ARMH3: variants seen among roughly 807,000 people sequenced by gnomAD.
ARMH3 encodes armadillo-like helical domain-containing protein 3.
ARMH3 carries 60 observed loss-of-function variants against 99.1 expected under a neutral mutation model. The ratio of observed to expected loss-of-function variants is 0.61; its 90% CI spans 0.49 to 0.75. ARMH3 has a LOEUF of 0.75. Ranked by LOEUF, ARMH3 falls within the 30% of genes least tolerant of loss-of-function variation. The pLI, the probability that ARMH3 is intolerant of heterozygous loss-of-function variation, is 0.00. For missense variants in ARMH3, 679 were observed against 843.1 expected, an observed-to-expected ratio of 0.81 and a Z score of 2.41; for synonymous variants, 285 against 292.8, an observed-to-expected ratio of 0.97 and a Z score of 0.27.
At chr10:102,006,247 G>A (rs1380815815) in intron 14 of ARMH3, among the ~76,000 whole-genome samples, 1 of 152,240 alleles carries the variant, frequency 6.6e-6, no homozygotes, top group East Asian at 1.9e-4. Flanking sequence ...GACTCTGAGA[G>A]TGTGGCAGGA....
intron 15 of ARMH3, among the ~76,000 whole-genome samples, chr10:102,000,492 C>T (rs2066329020): frequency 6.6e-6 from 1 of 151,706 alleles, no homozygotes; most frequent in Non-Finnish European, 1.5e-5. Flanking sequence ...GGTGCGGTGG[C>T]TCACACCTGT....
chr10:101,949,402 G>A (rs1465108709), intron 22 of ARMH3, among the ~76,000 whole-genome samples: 1 of 151,132 alleles, frequency 6.6e-6, no homozygotes, highest in South Asian at 2.1e-4. Context: ...ATGAAAGAGG[G>A]AAGCTAAGTA....
intron 25 of ARMH3, among the ~76,000 whole-genome samples, chr10:101,849,103 G>A (rs935446): frequency 0.2 from 30,685 of 152,148 alleles, 3,432 homozygotes; most frequent in East Asian, 0.48. Flanking sequence ...GACAGGGGAA[G>A]TGGGTACAGA....
intron 1 of ARMH3, among the ~76,000 whole-genome samples, chr10:102,048,685 A>G (rs932525507): frequency 3.3e-5 from 5 of 152,108 alleles, no homozygotes; most frequent in Non-Finnish European, 7.4e-5. Flanking sequence ...TCAGCCTCCC[A>G]AAGTGCTGAG....
At chr10:101,910,868 G>A (rs767367279) in intron 23 of ARMH3, among the ~76,000 whole-genome samples, 8 of 148,842 alleles carry the variant, frequency 5.4e-5, no homozygotes, top group South Asian at 4.3e-4. Context: ...GGCTGGGCGC[G>A]GTGACTCATG....
chr10:101,980,173 A>G (rs1248072990), intron 19 of ARMH3, among the ~76,000 whole-genome samples: 1 of 152,220 alleles, frequency 6.6e-6, no homozygotes, highest in Non-Finnish European at 1.5e-5. Flanking sequence ...TTGACTGTAT[A>G]CCAACTGAAT....
At chr10:101,962,904 T>G (rs910952413) in intron 20 of ARMH3, among the ~76,000 whole-genome samples, 1 of 152,084 alleles carries the variant, frequency 6.6e-6, no homozygotes, top group Non-Finnish European at 1.5e-5. Flanking sequence ...TTCCACTGAT[T>G]AGCCCCTCAC....
chr10:101,904,119 G>A (rs1361636158), intron 23 of ARMH3, among the ~76,000 whole-genome samples: 2 of 152,200 alleles, frequency 1.3e-5, no homozygotes, highest in South Asian at 2.1e-4. Context: ...CCACACTGAC[G>A]ACACTAAATG....
At chr10:101,866,551 G>A (rs1005730561) in intron 24 of ARMH3, among the ~76,000 whole-genome samples, 1 of 151,960 alleles carries the variant, frequency 6.6e-6, no homozygotes, top group Non-Finnish European at 1.5e-5. Context: ...TACGCCAGCA[G>A]GCATGAAAAT....
rs769392626 is a variant in ARMH3 at position 102,023,515 on chromosome 10, C to T, written c.631G>A (p.Val211Ile). Residue 211 changes from valine to isoleucine, a missense_variant, in exon 8 of 26, where the codon GTC (valine) becomes ATC (isoleucine). Val to Ile is a conservative substitution (Grantham distance 29). Coordinates refer to ENST00000370033, the MANE Select transcript of ARMH3 (RefSeq NM_024541.3). ...SRREHGYDAVVLLALLVNYRK... is the reference protein window; with the variant it reads ...SRREHGYDAVILLALLVNYRK... Reference sequence around the variant, plus strand: ...TAGTTCACCAGCAAAGCCAAGAGGACGACAGCATCATACCCATGCTCCCTA... The same window carrying T: ...TAGTTCACCAGCAAAGCCAAGAGGATGACAGCATCATACCCATGCTCCCTA... 20 of 1,614,070 alleles carry T rather than the reference C, an allele frequency of 1.2e-5. No individual in the cohort carries two copies. The highest frequency in any genetic ancestry group is 1.7e-5 in the Admixed American group (1 of 59,992).
At chr10:101,899,063 A>T (rs2067912114) in intron 23 of ARMH3, among the ~76,000 whole-genome samples, 1 of 152,228 alleles carries the variant, frequency 6.6e-6, no homozygotes, top group African/African-American at 2.4e-5. Context: ...ATTTGAAAAA[A>T]TCTGGATTCC....
intron 24 of ARMH3, among the ~76,000 whole-genome samples, chr10:101,878,863 C>A (rs879430469): frequency 2.6e-5 from 4 of 152,000 alleles, no homozygotes; most frequent in African/African-American, 4.8e-5. Context: ...GTCATCACGT[C>A]CCTTTAGTGT....
At chr10:101,876,554 T>G (rs946389795) in intron 24 of ARMH3, among the ~76,000 whole-genome samples, 4 of 152,222 alleles carry the variant, frequency 2.6e-5, no homozygotes, top group Non-Finnish European at 5.9e-5. Context: ...CCACATCTTT[T>G]CAACAAGATT....
chr10:101,885,791 C>A (rs970516111), intron 24 of ARMH3, among the ~76,000 whole-genome samples: 2 of 152,154 alleles, frequency 1.3e-5, no homozygotes, highest in African/African-American at 2.4e-5. Context: ...CAGTGGCTCA[C>A]GCCTGTAATC....
chr10:101,959,532 G>A (rs545259813), intron 20 of ARMH3, among the ~76,000 whole-genome samples: 1 of 152,354 alleles, frequency 6.6e-6, no homozygotes, highest in East Asian at 1.9e-4. Context: ...GCACAGAGAT[G>A]CAGCCTCAGC....
Position 101,976,236 on chromosome 10 carries a change from A to T in ARMH3, c.1407-936T>A, listed in dbSNP as rs570609777. On this transcript the variant is annotated intron_variant, in intron 19 of 25. Transcript: ENST00000370033. ...ATGCCTGTAGACCCAGCTACTCAGGAGGCTGAGGCAGGAGAATCGCTTGAA... is the reference window on the plus strand; with the variant it reads ...ATGCCTGTAGACCCAGCTACTCAGGTGGCTGAGGCAGGAGAATCGCTTGAA... Among the ~76,000 whole-genome samples the T allele has an allele frequency of 4.8e-5, 7 of 146,448 alleles. No homozygotes were observed. In the South Asian group the frequency reaches 9.0e-4, roughly 19 times the overall value.
At chr10:101,908,559 G>A (rs1219071736) in intron 23 of ARMH3, among the ~76,000 whole-genome samples, 1 of 152,020 alleles carries the variant, frequency 6.6e-6, no homozygotes, top group Non-Finnish European at 1.5e-5. Flanking sequence ...GTCCCCCAGA[G>A]GGTAAAATCA....
At chr10:102,009,482 T>A in intron 12 of ARMH3, 33 bp from the exon 13 acceptor site, 3 of 1,554,260 alleles carry the variant, frequency 1.9e-6, no homozygotes, top group Non-Finnish European at 2.7e-6. Flanking sequence ...GGAGCAGTTT[T>A]TATAGTGGGG....
intron 2 of ARMH3, 131 bp from the exon 3 acceptor site, chr10:102,033,470 T>TA: frequency 1.0e-6 from 1 of 991,880 alleles, no homozygotes; most frequent in Non-Finnish European, 1.4e-6. Context: ...CAGGCTGGAG[T>TA]ACAGTGGCGT....
Sources: gnomAD v4.1 joint callset for allele counts (sites outside exome capture counted in the v4.1 genomes callset) on GRCh38, gnomAD v4.1.1 for gene constraint, MANE v1.5 for transcripts, NCBI Gene and HGNC (gene_info 2026-07-23, HGNC 2026-07-21) for gene names.